HDX: variants seen among roughly 807,000 people sequenced by gnomAD.
HDX encodes highly divergent homeobox.
In HDX, 19 loss-of-function variants were observed where a neutral mutation model predicts 45.2. The observed-to-expected ratio is 0.42, with a 90% confidence interval of 0.29 to 0.62. The LOEUF (loss-of-function observed/expected upper bound fraction) is 0.62, where lower values mean the gene tolerates loss of function less well. HDX is among the 20% of genes least tolerant of loss of function. HDX has a pLI of 0.20. For synonymous variants in HDX, 188 were observed against 172.8 expected (o/e 1.09, Z -0.69); for missense variants, 532 against 493.9 (o/e 1.08, Z -0.73).
intron 2 of HDX, among the ~76,000 whole-genome samples, chrX:84,485,156 T>A (rs1029119817): frequency 8.9e-6 from 1 of 111,898 alleles, no homozygotes; most frequent in Non-Finnish European, 1.9e-5. Context: ...GTGTTTTATG[T>A]CCCAGAAAAT....
intron 2 of HDX, among the ~76,000 whole-genome samples, chrX:84,482,830 G>T (rs182328277): frequency 9.0e-6 from 1 of 111,605 alleles, no homozygotes; most frequent in Admixed American, 9.5e-5. Context: ...AGTCGCTTCC[G>T]CCTATGAGCC....
At chrX:84,418,644 AAAAAATAGT>A (rs1438605849) in intron 5 of HDX, among the ~76,000 whole-genome samples, 2 of 111,613 alleles carry the variant, frequency 1.8e-5, no homozygotes, top group African/African-American at 6.5e-5. Context: ...TCAAAAACAA[AAAAAATAGT>A]AAAAAGAGTC....
intron 1 of HDX, among the ~76,000 whole-genome samples, chrX:84,489,826 C>T (rs934027544): frequency 3.6e-5 from 4 of 110,859 alleles, no homozygotes; most frequent in Non-Finnish European, 7.5e-5. Flanking sequence ...AAAGTATTAC[C>T]TCCACTTCTG....
chrX:84,360,122 A>G (rs2037585171), intron 6 of HDX, among the ~76,000 whole-genome samples: 1 of 112,085 alleles, frequency 8.9e-6, no homozygotes, highest in Non-Finnish European at 1.9e-5. Context: ...TGGGCAAAGG[A>G]CATGAACAGA....
intron 4 of HDX, 70 bp from the exon 5 acceptor site, chrX:84,440,655 A>C: frequency 1.6e-6 from 1 of 617,746 alleles, no homozygotes; most frequent in South Asian, 2.6e-5. Flanking sequence ...ATCAACACCA[A>C]AGATTTCACA....
rs1301587294 is a variant in HDX at position 84,490,562 on chromosome X, AT to A, written c.-109-2431del. Among the ~76,000 whole-genome samples the A allele has an allele frequency of 3.8e-3, 417 of 111,080 alleles. 3 individuals carry two copies. The highest frequency in any genetic ancestry group is 0.013 in the African/African-American group (403 of 30,791). ...TACTATTTCCAGTACTCTCCTTTCC[AT>A]TATGTATGTTAAAATTTCAATTTGG... On this transcript the variant is annotated intron_variant, in intron 1 of 10. Transcript: ENST00000373177.
Position 84,336,781 on chromosome X carries a change from G to C in HDX, c.1740+20C>G, listed in dbSNP as rs757925601. On this transcript the variant is annotated intron_variant, in intron 8 of 10. Transcript: ENST00000373177. ...TGAAATCAACCATGTAATGAGAAAA[G>C]AATTTCAAACTGTACATACCACATT... The C allele has an allele frequency of 1.9e-6, 2 of 1,033,999 alleles. No individual in the cohort carries two copies. The highest frequency in any genetic ancestry group is 2.1e-5 in the South Asian group (1 of 48,192). The allele number at this position is 1,033,999 out of a possible 1,213,427, so 85.2% of individuals were successfully genotyped here.
intron 4 of HDX, among the ~76,000 whole-genome samples, chrX:84,441,920 T>C (rs182917033): frequency 2.4e-4 from 27 of 111,396 alleles, no homozygotes; most frequent in Admixed American, 1.2e-3. Flanking sequence ...AACTGTATGG[T>C]AGTCCTTTTT....
intron 10 of HDX, among the ~76,000 whole-genome samples, chrX:84,325,421 T>A (rs1462408454): frequency 1.8e-5 from 2 of 111,718 alleles, no homozygotes; most frequent in African/African-American, 6.5e-5. Context: ...ATCAGCATAA[T>A]GTCATATAGC....
At chrX:84,437,895 T>TGTC (rs1265338824) in intron 5 of HDX, among the ~76,000 whole-genome samples, 1 of 111,018 alleles carries the variant, frequency 9.0e-6, no homozygotes, top group Non-Finnish European at 1.9e-5. Flanking sequence ...TACTGCCTGG[T>TGTC]GTCTTCTGAT....
At position 84,468,884 on chromosome X, in the gene HDX, C is replaced by A. The variant is rs2040404657; in HGVS notation, c.839G>T (p.Gly280Val). ...VSDYPQRILG[G>V]NAPQKPSSAE... Reference sequence around the variant, plus strand: ...TGAGCTAGGCTTCTGTGGGGCATTTCCTCCCAGAATTCTCTGGGGGTAATC... The same window carrying A: ...TGAGCTAGGCTTCTGTGGGGCATTTACTCCCAGAATTCTCTGGGGGTAATC... Residue 280 changes from glycine to valine, a missense_variant, in exon 4 of 11, where the codon GGA becomes GTA. Gly to Val is a moderately radical substitution (Grantham distance 109, BLOSUM62 -3). This residue lies in a region of HDX where 376 missense variants were observed against 343.7 expected (regional missense o/e 1.09). Coordinates refer to ENST00000373177, the MANE Select transcript of HDX (RefSeq NM_001177479.2). 1.7e-6 allele frequency: 2 copies of A among 1,209,428 alleles called. No individual in the cohort carries two copies. The highest frequency in any genetic ancestry group is 2.2e-5 in the Admixed American group (1 of 45,711).
rs1308217109 is a variant in HDX at position 84,495,480 on chromosome X, T to A, written c.-110+6862A>T. On this transcript the variant is annotated intron_variant, in intron 1 of 10. Transcript: ENST00000373177. ...AACATATATATTTTTGCCAATCAAA[T>A]AATGAAGGATTATCCCCACAAATAC... Among the ~76,000 whole-genome samples the A allele has an allele frequency of 3.6e-5, 4 of 111,249 alleles. No individual in the cohort carries two copies. The East Asian group carries it at 1.1e-3, about 31-fold the overall frequency.
At chrX:84,482,237 A>G (rs768917745) in intron 2 of HDX, among the ~76,000 whole-genome samples, 1 of 111,842 alleles carries the variant, frequency 8.9e-6, no homozygotes, top group South Asian at 3.7e-4. Context: ...TAGTGATATT[A>G]CTGGGTCAAA....
chrX:84,409,523 C>G lies in HDX; in HGVS notation c.1305+31009G>C, dbSNP rs1191673517. 9.2e-5 allele frequency among the ~76,000 whole-genome samples: 10 copies of G among 108,449 alleles called. No homozygotes were observed. In the East Asian group the frequency reaches 2.9e-3, roughly 32 times the overall value. 94.2% of individuals were successfully genotyped at this position (108,449 alleles called of 115,157 possible). On this transcript the variant is annotated intron_variant, in intron 5 of 10. Transcript: ENST00000373177. Reference sequence around the variant, plus strand: ...ATTAAGAAAATGTGGCACATATACACCATGGAATACTATGCAGCCATAAAA... The same window carrying G: ...ATTAAGAAAATGTGGCACATATACAGCATGGAATACTATGCAGCCATAAAA...
intron 3 of HDX, among the ~76,000 whole-genome samples, chrX:84,472,736 A>C (rs1231737890): frequency 9.0e-6 from 1 of 111,295 alleles, no homozygotes; most frequent in Non-Finnish European, 1.9e-5. Context: ...CCCTGAGTCA[A>C]AAAGTAAGGG....
intron 2 of HDX, among the ~76,000 whole-genome samples, chrX:84,477,444 A>G (rs1420919004): frequency 8.9e-6 from 1 of 112,219 alleles, no homozygotes; most frequent in East Asian, 2.8e-4. Context: ...TGATACCAGT[A>G]GTCAAATAAA....
At chrX:84,488,003 G>A (rs2040828361) in intron 2 of HDX, 21 bp downstream of exon 2, 1 of 111,300 alleles carries the variant, frequency 9.0e-6, no homozygotes, top group Non-Finnish European at 1.9e-5. Flanking sequence ...AAGAGAAATG[G>A]GGGAAAACTG....
At chrX:84,454,375 A>G (rs902383171) in intron 4 of HDX, among the ~76,000 whole-genome samples, 1 of 111,321 alleles carries the variant, frequency 9.0e-6, no homozygotes, top group Non-Finnish European at 1.9e-5. Context: ...AAGTATGGCA[A>G]TATTCACCAC....
rs139524987 is a variant in HDX, at chrX:84,414,720, C to T, written c.1305+25812G>A. On this transcript the variant is annotated intron_variant, in intron 5 of 10. Transcript: ENST00000373177. The stretch of plus-strand genomic sequence containing the variant: ...CAGAAAAGACTTGAGTTCTAATCCA[C>T]ATTCAATCATTTACTAAACATATCA... 3.6e-3 allele frequency among the ~76,000 whole-genome samples: 399 copies of T among 111,623 alleles called. 3 individuals are homozygous for T. The highest frequency in any genetic ancestry group is 0.013 in the African/African-American group (385 of 30,751).
Sources: allele counts gnomAD v4.1 joint callset (sites outside exome capture counted in the v4.1 genomes callset), GRCh38; gene constraint gnomAD v4.1.1; regional missense constraint gnomAD v4.1.1; transcripts MANE v1.5; gene names NCBI Gene and HGNC (gene_info 2026-07-23, HGNC 2026-07-21).